CNTNAP2: variants seen among roughly 807,000 people sequenced by gnomAD.
CNTNAP2 encodes contactin-associated protein-like 2.
In CNTNAP2, 98 loss-of-function variants were observed where a neutral mutation model predicts 155.2. The observed-to-expected ratio is 0.63, with a 90% CI of 0.54 to 0.75. The LOEUF is 0.75. Among genes scored for constraint, CNTNAP2 ranks in the 30% least tolerant of loss-of-function variants. The pLI is 0.00. For missense variants in CNTNAP2, 1,727 were observed against 1,688.1 expected (o/e 1.02, Z -0.40); for synonymous variants, 651 against 631.2 (o/e 1.03, Z -0.47).
intron 21 of CNTNAP2, among the ~76,000 whole-genome samples, chr7:148,318,112 G>T (rs1797722935): frequency 6.6e-6 from 1 of 152,158 alleles, no homozygotes; most frequent in African/African-American, 2.4e-5. Flanking sequence ...TTTCTTGGGA[G>T]GTTGGCTGGG....
intron 1 of CNTNAP2, among the ~76,000 whole-genome samples, chr7:146,483,282 A>AAAAT (rs1178407767): frequency 0.028 from 1,115 of 39,618 alleles, 25 homozygotes; most frequent in Non-Finnish European, 0.043. Context: ...TCTAAAAAAA[A>AAAAT]ATATATATAT....
intron 12 of CNTNAP2, among the ~76,000 whole-genome samples, chr7:147,583,438 CAA>C (rs1800550068): frequency 6.7e-6 from 1 of 148,612 alleles, no homozygotes; most frequent in South Asian, 2.1e-4. Context: ...ATTTTTTTTC[CAA>C]ACTTTTAAAA....
intron 1 of CNTNAP2, among the ~76,000 whole-genome samples, chr7:146,532,480 G>A (rs1017401580): frequency 3.9e-5 from 6 of 152,094 alleles, no homozygotes; most frequent in Admixed American, 1.3e-4. Context: ...CTGAAACTTG[G>A]AGTGTTATTG....
chr7:146,292,420 G>T (rs147049962), intron 1 of CNTNAP2, among the ~76,000 whole-genome samples: 159 of 152,268 alleles, frequency 1.0e-3, no homozygotes, highest in African/African-American at 3.5e-3. Flanking sequence ...CTGCCCATTA[G>T]CACAGAACTT....
At chr7:147,972,832 G>A (rs1801356793) in intron 14 of CNTNAP2, among the ~76,000 whole-genome samples, 1 of 152,178 alleles carries the variant, frequency 6.6e-6, no homozygotes, top group East Asian at 1.9e-4. Flanking sequence ...CTTGCAAAAA[G>A]ATTCACACAA....
chr7:146,423,265 TATA>T (rs1438688218), intron 1 of CNTNAP2, among the ~76,000 whole-genome samples: 1 of 152,174 alleles, frequency 6.6e-6, no homozygotes, highest in African/African-American at 2.4e-5. Flanking sequence ...TAGTGTGTAT[TATA>T]ATTACAGTAG....
At chr7:146,374,571 G>T (rs891102807) in intron 1 of CNTNAP2, among the ~76,000 whole-genome samples, 4 of 152,180 alleles carry the variant, frequency 2.6e-5, no homozygotes, top group Non-Finnish European at 4.4e-5. Context: ...CTGAATAAGT[G>T]TGTAACTGAT....
At chr7:146,959,180 T>G (rs1302408598) in intron 3 of CNTNAP2, among the ~76,000 whole-genome samples, 1 of 151,844 alleles carries the variant, frequency 6.6e-6, no homozygotes, top group Non-Finnish European at 1.5e-5. Context: ...CCACCACGCC[T>G]GGCTAATTTT....
chr7:147,830,011 T>C (rs1316525301), intron 13 of CNTNAP2, among the ~76,000 whole-genome samples: 1 of 151,832 alleles, frequency 6.6e-6, no homozygotes, highest in African/African-American at 2.4e-5. Flanking sequence ...TGGATCTCCA[T>C]AGCAACCTTA....
intron 17 of CNTNAP2, among the ~76,000 whole-genome samples, chr7:148,152,751 C>T (rs535196129): frequency 5.0e-4 from 76 of 152,180 alleles, no homozygotes; most frequent in Admixed American, 1.0e-3. Context: ...CTGGGCACGG[C>T]GGCTCACGCC....
At chr7:147,686,396 T>G (rs1346017584) in intron 13 of CNTNAP2, among the ~76,000 whole-genome samples, 2 of 152,102 alleles carry the variant, frequency 1.3e-5, no homozygotes, top group Non-Finnish European at 2.9e-5. Context: ...AAATTCAAAA[T>G]AAATATCCAA....
chr7:146,326,205 C>A (rs984657296), intron 1 of CNTNAP2, among the ~76,000 whole-genome samples: 1 of 152,154 alleles, frequency 6.6e-6, no homozygotes, highest in Non-Finnish European at 1.5e-5. Context: ...CTCACACACA[C>A]ATGCCTGATA....
intron 19 of CNTNAP2, among the ~76,000 whole-genome samples, chr7:148,225,090 T>C (rs1795822365): frequency 6.6e-6 from 1 of 152,236 alleles, no homozygotes; most frequent in Non-Finnish European, 1.5e-5. Flanking sequence ...CTACTGTGCA[T>C]CAGGCACTAT....
chr7:148,009,314 G>T (rs1355271852), intron 15 of CNTNAP2, among the ~76,000 whole-genome samples: 2 of 152,030 alleles, frequency 1.3e-5, no homozygotes, highest in Admixed American at 6.6e-5. Context: ...AAAACAAAAT[G>T]GTTGTACAGG....
chr7:148,373,685 G>A (rs1798931454), intron 21 of CNTNAP2, among the ~76,000 whole-genome samples: 1 of 152,206 alleles, frequency 6.6e-6, no homozygotes. Context: ...AATGTCATGA[G>A]AAACTTACTA....
chr7:148,078,210 C>T (rs1004489384), intron 15 of CNTNAP2, among the ~76,000 whole-genome samples: 1 of 151,934 alleles, frequency 6.6e-6, no homozygotes. Flanking sequence ...ATTACAGGTG[C>T]ATGCCAGCAT....
intron 20 of CNTNAP2, among the ~76,000 whole-genome samples, chr7:148,258,524 A>G (rs1257989801): frequency 2.0e-5 from 3 of 152,092 alleles, no homozygotes; most frequent in Non-Finnish European, 4.4e-5. Flanking sequence ...CCCTTCATAG[A>G]ATGGAGATTC....
At chr7:148,040,002 T>A (rs1259593588) in intron 15 of CNTNAP2, among the ~76,000 whole-genome samples, 4 of 152,190 alleles carry the variant, frequency 2.6e-5, no homozygotes, top group Admixed American at 6.5e-5. Context: ...AACAAAACTA[T>A]CCCTTCTCTC....
intron 1 of CNTNAP2, among the ~76,000 whole-genome samples, chr7:146,199,692 G>T (rs774880873): frequency 2.6e-5 from 4 of 152,264 alleles, no homozygotes; most frequent in Admixed American, 6.5e-5. Flanking sequence ...ACCTTTTAAA[G>T]GGTGTCGACT....
Sources: allele counts gnomAD v4.1 joint callset (sites outside exome capture counted in the v4.1 genomes callset), GRCh38; gene constraint gnomAD v4.1.1; transcripts MANE v1.5; gene names NCBI Gene and HGNC (gene_info 2026-07-23, HGNC 2026-07-21).